Variants in EEA1 observed in about 807,000 individuals in gnomAD.
EEA1 encodes the protein early endosome antigen 1, 162kD.
EEA1 carries 111 observed loss-of-function variants against 209.2 expected under a neutral mutation model. That is an observed-to-expected ratio of 0.53 (90% CI 0.45 to 0.62). The LOEUF is 0.62. Ranked by LOEUF, EEA1 falls within the 20% of genes least tolerant of loss-of-function variation. The pLI, the probability that EEA1 is intolerant of heterozygous loss-of-function variation, is 0.00. For synonymous variants in EEA1, 536 were observed against 540.6 expected, an observed-to-expected ratio of 0.99 and a Z score of 0.12; for missense variants, 1,343 against 1,530.8, an observed-to-expected ratio of 0.88 and a Z score of 2.05.
chr12:92,896,052 C>T (rs181873368), intron 1 of EEA1, among the ~76,000 whole-genome samples: 1 of 151,966 alleles, frequency 6.6e-6, no homozygotes, highest in African/African-American at 2.4e-5. Flanking sequence ...CAGCTCACTG[C>T]AACCTCCACC....
At chr12:92,928,644 C>G (rs1450808545) in intron 1 of EEA1, among the ~76,000 whole-genome samples, 2 of 152,058 alleles carry the variant, frequency 1.3e-5, no homozygotes, top group South Asian at 4.1e-4. Context: ...AAGCAAGCCG[C>G]CCGAATCTCC....
intron 1 of EEA1, among the ~76,000 whole-genome samples, chr12:92,894,225 CACTG>C (rs1316890637): frequency 6.6e-6 from 1 of 152,112 alleles, no homozygotes; most frequent in Non-Finnish European, 1.5e-5. Context: ...CTGCTCCACT[CACTG>C]GCCATTTCCC....
chr12:92,793,708 A>C (rs898510431), intron 21 of EEA1, among the ~76,000 whole-genome samples: 1 of 152,218 alleles, frequency 6.6e-6, no homozygotes, highest in Admixed American at 6.5e-5. Context: ...CTTACTGCCC[A>C]AAGTAATTTA....
At position 92,864,257 on chromosome 12, in the gene EEA1, T is replaced by C. The variant is rs146589499; in HGVS notation, c.245+603A>G. ...TTTTTAGGAAAGCATAAAAATACTTTTTTACAAGTACAATGAAGTGAAACT... is the reference window on the plus strand; with the variant it reads ...TTTTTAGGAAAGCATAAAAATACTTCTTTACAAGTACAATGAAGTGAAACT... On this transcript the variant is annotated intron_variant, in intron 3 of 28. Coordinates refer to ENST00000322349, the MANE Select transcript of EEA1 (RefSeq NM_003566.4). Among the ~76,000 whole-genome samples the C allele has an allele frequency of 3.5e-4, 53 of 152,268 alleles. No individual in the cohort carries two copies. The East Asian group carries it at 0.01, about 29-fold the overall frequency.
rs1238395056 is a variant in EEA1 at position 92,780,315 on chromosome 12, CGTTTA to C, written c.3428_3432del (p.Leu1143ArgfsTer18). ...TCTAGTTTGTGGGACTTGAGTTCTT[CGTTTA>C]GTTTAGTGATTTCTTTTTCTTGTCT... On this transcript the variant is annotated frameshift_variant, in exon 24 of 29. Coordinates refer to ENST00000322349, the MANE Select transcript of EEA1 (RefSeq NM_003566.4). LOFTEE classifies it high-confidence loss of function. The C allele has an allele frequency of 1.2e-6, 2 of 1,600,494 alleles. No individual in the cohort carries two copies. The highest frequency in any genetic ancestry group is 1.4e-5 in the African/African-American group (1 of 73,810).
chr12:92,926,720 C>G (rs894894468), intron 1 of EEA1, among the ~76,000 whole-genome samples: 1 of 152,190 alleles, frequency 6.6e-6, no homozygotes, highest in African/African-American at 2.4e-5. Context: ...TCACACTCCT[C>G]ACAGTACTAC....
intron 11 of EEA1, among the ~76,000 whole-genome samples, chr12:92,830,207 C>T (rs1018127954): frequency 1.3e-5 from 2 of 151,850 alleles, no homozygotes; most frequent in Non-Finnish European, 2.9e-5. Flanking sequence ...GATACATGTG[C>T]AGGTTTGTTA....
In EEA1 at chr12:92,852,316, T is replaced by C; in HGVS notation, c.521-20A>G. The stretch of plus-strand genomic sequence containing the variant: ...TTATATCTAATTAAAGATAGTTATA[T>C]AAATATTAGTTTAAGGGGAGGACAG... On this transcript the variant is annotated intron_variant, in intron 7 of 28. Transcript: ENST00000322349. 6.6e-7 allele frequency: 1 copy of C among 1,503,882 alleles called. No individual in the cohort carries two copies. The highest frequency in any genetic ancestry group is 8.9e-7 in the Non-Finnish European group (1 of 1,123,776). 93.2% of individuals were successfully genotyped at this position (1,503,882 alleles called of 1,614,324 possible). A position where few individuals can be genotyped will look rare whatever the true frequency, so the allele number is the denominator to read the frequency against.
Position 92,864,926 on chromosome 12 carries a change from T to C in EEA1, c.179A>G (p.Tyr60Cys), listed in dbSNP as rs1331688206. 1 of 1,611,586 alleles carries C rather than the reference T, an allele frequency of 6.2e-7. No homozygotes were observed. Among genetic ancestry groups the C allele is most frequent in the Non-Finnish European group, 8.5e-7 (1 of 1,178,874 alleles). Residue 60 changes from tyrosine (Y) to cysteine (C), a missense_variant, in exon 3 of 29, where the codon TAT (tyrosine) becomes TGT (cysteine). By Grantham distance (194) the Tyr-to-Cys change is radical. Transcript: ENST00000322349. ...LGSADELFKH[Y>C]EAVHDAGNDS... ...ATTACCAGCATCATGAACAGCTTCA[T>C]AATGTTTGAAAAGTTCATCAGCAGA...
intron 6 of EEA1, 103 bp from the exon 7 acceptor site, chr12:92,853,128 T>G (rs749691287): frequency 5.7e-6 from 4 of 696,422 alleles, no homozygotes; most frequent in East Asian, 2.9e-5. Context: ...AACTTAAGTT[T>G]ATTATCCAAT....
intron 1 of EEA1, among the ~76,000 whole-genome samples, chr12:92,921,605 T>C (rs1372270350): frequency 1.4e-5 from 1 of 68,988 alleles, no homozygotes; most frequent in Non-Finnish European, 2.8e-5. Flanking sequence ...GTGGTGGGGT[T>C]GGGGGAGGGG....
At chr12:92,829,322 G>T (rs1474902400) in intron 11 of EEA1, among the ~76,000 whole-genome samples, 1 of 151,310 alleles carries the variant, frequency 6.6e-6, no homozygotes, top group Admixed American at 6.6e-5. Context: ...AAAAGAAAAA[G>T]AAAAAAAGAA....
intron 5 of EEA1, among the ~76,000 whole-genome samples, chr12:92,856,362 A>G (rs997589383): frequency 6.6e-6 from 1 of 152,158 alleles, no homozygotes; most frequent in Admixed American, 6.5e-5. Flanking sequence ...CTAAGACATC[A>G]AAAAAATCCT....
intron 18 of EEA1, among the ~76,000 whole-genome samples, chr12:92,804,347 C>T (rs961621658): frequency 5.9e-5 from 9 of 151,948 alleles, no homozygotes; most frequent in Non-Finnish European, 1.3e-4. Flanking sequence ...CCAAGGTGGG[C>T]GGATCACAAG....
intron 1 of EEA1, among the ~76,000 whole-genome samples, chr12:92,924,201 CTTTT>C (rs754907902): frequency 1.1e-5 from 1 of 94,534 alleles, no homozygotes; most frequent in Non-Finnish European, 2.1e-5. Context: ...ACATTTAAGA[CTTTT>C]TTTTTTTTTT....
chr12:92,846,276 T>C (rs1877385094), intron 9 of EEA1, among the ~76,000 whole-genome samples: 1 of 152,062 alleles, frequency 6.6e-6, no homozygotes, highest in African/African-American at 2.4e-5. Context: ...AGTTTAAGCA[T>C]CTCCATTAGA....
chr12:92,871,323 A>G (rs1436766963), intron 2 of EEA1, among the ~76,000 whole-genome samples: 1 of 152,214 alleles, frequency 6.6e-6, no homozygotes, highest in Non-Finnish European at 1.5e-5. Flanking sequence ...GTAGCATAAA[A>G]AGTTAAGCAA....
intron 2 of EEA1, among the ~76,000 whole-genome samples, chr12:92,881,347 G>A (rs920162255): frequency 6.6e-6 from 1 of 152,108 alleles, no homozygotes; most frequent in Non-Finnish European, 1.5e-5. Context: ...TTGAGCCCGG[G>A]AGATCGAGCA....
Position 92,925,190 on chromosome 12 carries a change from A to AAC in EEA1, c.24+3852_24+3853insGT, listed in dbSNP as rs541102705. 3.1e-3 allele frequency among the ~76,000 whole-genome samples: 477 copies of AAC among 151,950 alleles called. 4 individuals are homozygous for AAC. Among genetic ancestry groups the AAC allele is most frequent in the African/African-American group, 0.011 (456 of 41,402 alleles). On this transcript the variant is annotated intron_variant, in intron 1 of 28. Transcript: ENST00000322349. ...CCCACAAAAGATGTCTCAAAAAAAA[A>AAC]AAAAAAAACACTAATCACAGTTTTT...
Sources: gnomAD v4.1 joint callset for allele counts (sites outside exome capture counted in the v4.1 genomes callset) on GRCh38, gnomAD v4.1.1 for gene constraint, MANE v1.5 for transcripts, NCBI Gene and HGNC (gene_info 2026-07-23, HGNC 2026-07-21) for gene names.